CNTNAP2: variants seen among roughly 807,000 people sequenced by gnomAD.
CNTNAP2 encodes the protein contactin associated protein 2.
A neutral mutation model predicts 155.2 loss-of-function variants in CNTNAP2; 98 were observed. The observed-to-expected ratio is 0.63, with a 90% CI of 0.54 to 0.75. The LOEUF is 0.75. Among genes scored for constraint, CNTNAP2 ranks in the 30% least tolerant of loss-of-function variants. The pLI is 0.00. For missense variants in CNTNAP2, 1,727 were observed against 1,688.1 expected (o/e 1.02, Z -0.40); for synonymous variants, 651 against 631.2 (o/e 1.03, Z -0.47).
At chr7:146,772,960 G>A (rs570903275) in intron 1 of CNTNAP2, among the ~76,000 whole-genome samples, 14 of 152,312 alleles carry the variant, frequency 9.2e-5, no homozygotes, top group African/African-American at 3.4e-4. Context: ...AGACCACACA[G>A]TCTTTTGTAA....
At chr7:147,933,740 G>A (rs1563140104) in intron 14 of CNTNAP2, among the ~76,000 whole-genome samples, 1 of 152,116 alleles carries the variant, frequency 6.6e-6, no homozygotes, top group East Asian at 1.9e-4. Flanking sequence ...GTGGGTGCCT[G>A]TAATCCCAGC....
chr7:148,068,232 G>A (rs1182171392), intron 15 of CNTNAP2, among the ~76,000 whole-genome samples: 1 of 152,058 alleles, frequency 6.6e-6, no homozygotes, highest in Non-Finnish European at 1.5e-5. Context: ...ACAAAGTTCA[G>A]CTAGAAGTTT....
chr7:147,878,128 G>A (rs548332588), intron 13 of CNTNAP2, among the ~76,000 whole-genome samples: 1 of 140,552 alleles, frequency 7.1e-6, no homozygotes, highest in Non-Finnish European at 1.5e-5. Context: ...GGAAAGTTTA[G>A]CATTGGAAGT....
At chr7:148,258,905 C>T (rs868375142) in intron 20 of CNTNAP2, among the ~76,000 whole-genome samples, 27 of 151,902 alleles carry the variant, frequency 1.8e-4, no homozygotes, top group Admixed American at 4.6e-4. Context: ...CAGCCAGGCA[C>T]GGTGGCTCAC....
At chr7:148,246,657 T>G (rs781091655) in intron 20 of CNTNAP2, among the ~76,000 whole-genome samples, 39 of 152,326 alleles carry the variant, frequency 2.6e-4, no homozygotes, top group Non-Finnish European at 5.7e-4. Context: ...GCCCTTAACT[T>G]TAGTCTGATT....
chr7:147,237,049 C>CTTTTTTTTTTTTT lies in CNTNAP2; in HGVS notation c.1349-63068_1349-63056dup, dbSNP rs548220734. The stretch of plus-strand genomic sequence containing the variant: ...CCACTTCCTTTAGCCTTCACCTCCT[C>CTTTTTTTTTTTTT]TTTTTTTTTTTTTTTTTTTTTTTTT... On this transcript the variant is annotated intron_variant, in intron 8 of 23. Coordinates refer to ENST00000361727, the MANE Select transcript of CNTNAP2 (RefSeq NM_014141.6). Among the ~76,000 whole-genome samples the CTTTTTTTTTTTTT allele has an allele frequency of 4.3e-4, 25 of 57,476 alleles. 5 individuals are homozygous for CTTTTTTTTTTTTT. Among genetic ancestry groups the CTTTTTTTTTTTTT allele is most frequent in the Non-Finnish European group, 6.1e-4 (18 of 29,592 alleles). The allele number at this position is 57,476 out of a possible 152,430, so 37.7% of individuals were successfully genotyped here.
intron 9 of CNTNAP2, among the ~76,000 whole-genome samples, chr7:147,361,203 T>C (rs1034809322): frequency 5.3e-5 from 8 of 152,356 alleles, no homozygotes; most frequent in African/African-American, 1.9e-4. Context: ...TGAAAAACTT[T>C]CCTTTAGGAT....
intron 21 of CNTNAP2, among the ~76,000 whole-genome samples, chr7:148,317,233 T>C (rs913776099): frequency 4.6e-5 from 7 of 152,132 alleles, no homozygotes; most frequent in African/African-American, 1.7e-4. Flanking sequence ...CACATGCCAG[T>C]AATCCCAGCT....
At chr7:147,795,893 A>C (rs986852017) in intron 13 of CNTNAP2, among the ~76,000 whole-genome samples, 1 of 152,130 alleles carries the variant, frequency 6.6e-6, no homozygotes, top group African/African-American at 2.4e-5. Context: ...GATCATATGG[A>C]TCTAAATACA....
intron 1 of CNTNAP2, among the ~76,000 whole-genome samples, chr7:146,171,915 A>C (rs1010826774): frequency 6.6e-6 from 1 of 152,008 alleles, no homozygotes; most frequent in Non-Finnish European, 1.5e-5. Flanking sequence ...TCAGCTAAAA[A>C]TTAGAAACTA....
intron 10 of CNTNAP2, among the ~76,000 whole-genome samples, chr7:147,445,537 ACT>A (rs1291907870): frequency 6.6e-6 from 1 of 152,164 alleles, no homozygotes; most frequent in Non-Finnish European, 1.5e-5. Context: ...TGTACTTAGC[ACT>A]GTTTTGAGGA....
chr7:146,658,623 T>C (rs1307008427), intron 1 of CNTNAP2, among the ~76,000 whole-genome samples: 1 of 152,116 alleles, frequency 6.6e-6, no homozygotes, highest in Non-Finnish European at 1.5e-5. Flanking sequence ...ACTGGAAGTA[T>C]GTAGTCTAAA....
In CNTNAP2 at chr7:147,582,890, G is replaced by A. The variant is rs112972199; in HGVS notation, c.1897+20633G>A. ...ACAATGTTCACATTCATTTAACTGC[G>A]GACTCTAATCCCCAGAGCCTATTTA... On this transcript the variant is annotated intron_variant, in intron 12 of 23. Transcript: ENST00000361727. 1.4e-4 allele frequency among the ~76,000 whole-genome samples: 22 copies of A among 152,132 alleles called. 1 individual carries two copies. The highest frequency in any genetic ancestry group is 4.6e-4 in the African/African-American group (19 of 41,522).
chr7:147,973,166 A>T (rs1341944910), intron 14 of CNTNAP2, among the ~76,000 whole-genome samples: 5 of 64,990 alleles, frequency 7.7e-5, no homozygotes, highest in Non-Finnish European at 2.9e-4. Context: ...AAATTAAAAA[A>T]AAAAAAAAAA....
intron 15 of CNTNAP2, among the ~76,000 whole-genome samples, chr7:148,073,834 C>T (rs1023825336): frequency 1.4e-4 from 21 of 151,774 alleles, no homozygotes; most frequent in African/African-American, 4.6e-4. Flanking sequence ...GCAACCAAGG[C>T]AAGACACAAA....
At chr7:148,152,540 G>A (rs1243567766) in intron 17 of CNTNAP2, among the ~76,000 whole-genome samples, 2 of 152,144 alleles carry the variant, frequency 1.3e-5, no homozygotes, top group African/African-American at 2.4e-5. Flanking sequence ...CACAAATCTT[G>A]TGACCTCCGG....
intron 4 of CNTNAP2, among the ~76,000 whole-genome samples, chr7:147,053,926 T>C (rs1056643100): frequency 6.6e-6 from 1 of 152,088 alleles, no homozygotes; most frequent in African/African-American, 2.4e-5. Context: ...AGCTGAAAAG[T>C]TCCCAAGAGA....
In CNTNAP2 at chr7:146,663,449, A is replaced by G. The variant is rs909158981; in HGVS notation, c.98-110822A>G. Among the ~76,000 whole-genome samples the G allele has an allele frequency of 4.0e-5, 6 of 151,680 alleles. No homozygotes were observed. In the South Asian group the frequency reaches 8.3e-4, roughly 21 times the overall value. Reference sequence around the variant, plus strand: ...ATAGCTGGATCATATTTGAGATTGCATTGAATGTATAATTCAGTTTGGAGG... The same window carrying G: ...ATAGCTGGATCATATTTGAGATTGCGTTGAATGTATAATTCAGTTTGGAGG... On this transcript the variant is annotated intron_variant, in intron 1 of 23. Transcript: ENST00000361727.
In CNTNAP2 at chr7:146,616,029, G is replaced by A. The variant is rs945603056; in HGVS notation, c.98-158242G>A. Among the ~76,000 whole-genome samples the A allele has an allele frequency of 2.4e-4, 36 of 152,228 alleles. 1 individual carries two copies. Among genetic ancestry groups the A allele is most frequent in the Middle Eastern group, 3.4e-3 (1 of 294 alleles). ...GAAGTTAGAATTTTAGTATGACAAT[G>A]GTAATCCTTTAAACTTTCACAAAAC... On this transcript the variant is annotated intron_variant, in intron 1 of 23. Transcript: ENST00000361727.
Sources: allele counts gnomAD v4.1 joint callset (sites outside exome capture counted in the v4.1 genomes callset), GRCh38; gene constraint gnomAD v4.1.1; transcripts MANE v1.5; gene names NCBI Gene and HGNC (gene_info 2026-07-23, HGNC 2026-07-21).